The following KRT8 variants were observed in gnomAD, a reference collection of about 807,000 sequenced individuals.
The protein encoded by KRT8 is keratin 8.
In KRT8, 24 loss-of-function variants were observed where a neutral mutation model predicts 43.0. The observed-to-expected ratio is 0.56, with a 90% CI of 0.40 to 0.78. KRT8 has a LOEUF of 0.78. Ranked by LOEUF, KRT8 falls within the 30% of genes least tolerant of loss-of-function variation. The pLI is 0.00. For missense variants in KRT8, 492 were observed against 638.4 expected (o/e 0.77, Z 2.47); for synonymous variants, 214 against 261.2 (o/e 0.82, Z 1.74).
At chr12:52,911,796 G>A (rs1413969678), upstream of KRT8, among the ~76,000 whole-genome samples, 1 of 152,092 alleles carries the variant, frequency 6.6e-6, no homozygotes, top group Non-Finnish European at 1.5e-5. Flanking sequence ...ACTTTGGGTG[G>A]GTGGATCACT....
At chr12:52,948,781 C>G (rs1033245126) in intron 2 of KRT8, 2 of 408,250 alleles carry the variant, frequency 4.9e-6, no homozygotes, top group Admixed American at 8.8e-5. Flanking sequence ...TGAGCCACTG[C>G]GCCCGGTCAA....
At chr12:52,923,167 T>TTTTGATTAAAA (rs1447669582) in intron 2 of KRT8, among the ~76,000 whole-genome samples, 1 of 152,218 alleles carries the variant, frequency 6.6e-6, no homozygotes, top group African/African-American at 2.4e-5. Flanking sequence ...AATCAAAGCG[T>TTTTGATTAAAA]TCTAAGGTTT....
chr12:52,926,548 C>A, intron 2 of KRT8: 1 of 1,195,762 alleles, frequency 8.4e-7, no homozygotes, highest in South Asian at 1.3e-5. Context: ...TATAGAGACC[C>A]CAAGAATAGG....
rs1221150860 is a variant in KRT8, at chr12:52,949,752, AAGAGCAGCAGCTAGGCATGGGAGG to A, written c.-238_-215del. ...CCGCGCACCTAGCCACAGGGTCCCT[AAGAGCAGCAGCTAGGCATGGGAGG>A]GCTCTTTCCCAGGAGAGAGGGGGAA... On this transcript the variant is annotated 5_prime_UTR_variant, in exon 1 of 7. Coordinates refer to the KRT8 transcript ENST00000546826. The A allele has an allele frequency of 6.8e-6, 5 of 734,946 alleles. No individual in the cohort carries two copies. The East Asian group carries it at 1.3e-4, about 20-fold the overall frequency. The allele number at this position is 734,946 out of a possible 1,614,324, so 45.5% of individuals were successfully genotyped here.
chr12:52,898,820 G>A (rs753598253), exon 6 of KRT8: 1 of 1,614,140 alleles, frequency 6.2e-7, no homozygotes, highest in Non-Finnish European at 8.5e-7. Context: ...CTCCAGCTCG[G>A]ACAACTTGGC....
At chr12:52,929,803 G>T (rs1450684294) in intron 2 of KRT8, among the ~76,000 whole-genome samples, 1 of 152,082 alleles carries the variant, frequency 6.6e-6, no homozygotes, top group East Asian at 1.9e-4. Flanking sequence ...CACCTCTTCA[G>T]GCCAATTCCC....
At position 52,904,574 on chromosome 12, in the gene KRT8, G is replaced by C. The variant is rs1047756327; in HGVS notation, c.324+84C>G. 1.2e-5 allele frequency: 16 copies of C among 1,302,196 alleles called. No individual in the cohort carries two copies. The African/African-American group carries it at 2.3e-4, about 19-fold the overall frequency. The allele number at this position is 1,302,196 out of a possible 1,614,324, so 80.7% of individuals were successfully genotyped here. On this transcript the variant is annotated intron_variant, in intron 1 of 7. Coordinates refer to ENST00000692008, the Ensembl canonical transcript of KRT8. ...GGTGAGGCCCAGCAGGACGCCAGCT[G>C]GGGGCTGGAGATGTGCATAGGGACC...
At chr12:52,898,819 G>T (rs373365865) in exon 6 of KRT8, 3 of 1,614,132 alleles carry the variant, frequency 1.9e-6, no homozygotes, top group Non-Finnish European at 2.5e-6. Context: ...CCTCCAGCTC[G>T]GACAACTTGG....
chr12:52,944,333 C>T (rs1472459416), intron 2 of KRT8, among the ~76,000 whole-genome samples: 6 of 152,162 alleles, frequency 3.9e-5, no homozygotes, highest in African/African-American at 1.2e-4. Context: ...TGGCCATAAG[C>T]GATTCTCCCA....
rs554522192 is a variant in KRT8 at position 52,915,604 on chromosome 12, G to A, written c.-46-10577C>T. Among the ~76,000 whole-genome samples the A allele has an allele frequency of 4.6e-5, 7 of 152,124 alleles. No individual in the cohort carries two copies. The East Asian group carries it at 1.4e-3, about 29-fold the overall frequency. ...GCATGCCTGTAGTCCCAGCTACTTG[G>A]GAGGCTGAGACAGGAGAATCGCTTG... On this transcript the variant is annotated intron_variant, in intron 2 of 6. Transcript: ENST00000546826.
At chr12:52,909,002 A>G (rs1382110953), upstream of KRT8, among the ~76,000 whole-genome samples, 1 of 152,060 alleles carries the variant, frequency 6.6e-6, no homozygotes, top group African/African-American at 2.4e-5. Context: ...AGACAGAGTG[A>G]AACTCTGTCT....
chr12:52,934,089 C>G (rs1359272497), intron 2 of KRT8, among the ~76,000 whole-genome samples: 1 of 151,182 alleles, frequency 6.6e-6, no homozygotes, highest in Admixed American at 6.6e-5. Flanking sequence ...ATTAGCCGGG[C>G]ATGGTGGCAT....
upstream of KRT8, chr12:52,905,118 G>T (rs879544502): frequency 9.0e-6 from 13 of 1,439,686 alleles, no homozygotes; most frequent in East Asian, 1.2e-4. Flanking sequence ...GGATGGGGGG[G>T]AAAGGCCTCG....
exon 8 of KRT8, chr12:52,897,593 G>A: frequency 6.3e-7 from 1 of 1,598,164 alleles, no homozygotes; most frequent in Non-Finnish European, 8.5e-7. Flanking sequence ...GGCTTGTGAG[G>A]CCCCCATAGG....
At chr12:52,907,528 C>G (rs1375919066), upstream of KRT8, among the ~76,000 whole-genome samples, 1 of 152,212 alleles carries the variant, frequency 6.6e-6, no homozygotes, top group Non-Finnish European at 1.5e-5. Context: ...TCCACCCCAC[C>G]TTTCTGGTTC....
chr12:52,915,962 A>G (rs961058345), intron 2 of KRT8, among the ~76,000 whole-genome samples: 14 of 152,328 alleles, frequency 9.2e-5, no homozygotes, highest in Admixed American at 7.9e-4. Context: ...GATGTATGCT[A>G]TAGGACTTCA....
At chr12:52,938,174 T>A (rs867477925) in intron 2 of KRT8, among the ~76,000 whole-genome samples, 988 of 36,292 alleles carry the variant, frequency 0.027, 44 homozygotes, top group African/African-American at 0.094. Flanking sequence ...ATATATATTT[T>A]TTTTTTTTTT....
At chr12:52,927,084 C>T (rs751868326) in intron 2 of KRT8, among the ~76,000 whole-genome samples, 3 of 152,278 alleles carry the variant, frequency 2.0e-5, no homozygotes, top group South Asian at 4.1e-4. Context: ...AGGATTCCCC[C>T]CAAGGGAGGA....
intron 2 of KRT8, among the ~76,000 whole-genome samples, chr12:52,915,549 A>T (rs1328567705): frequency 6.6e-6 from 1 of 151,610 alleles, no homozygotes; most frequent in Admixed American, 6.6e-5. Context: ...CTGTACTAAA[A>T]ATACAAAAAA....
Sources: gnomAD v4.1 joint callset for allele counts (sites outside exome capture counted in the v4.1 genomes callset) on GRCh38, gnomAD v4.1.1 for gene constraint, MANE v1.5 for transcripts, NCBI Gene and HGNC (gene_info 2026-07-23, HGNC 2026-07-21) for gene names.